The following SLC35F4 variants were observed in gnomAD, a reference collection of about 807,000 sequenced individuals.
The protein encoded by SLC35F4 is solute carrier family 35 member F4.
A neutral mutation model predicts 44.2 loss-of-function variants in SLC35F4; 24 were observed. The observed-to-expected ratio is 0.54, with a 90% CI of 0.39 to 0.76. SLC35F4 has a LOEUF of 0.76. SLC35F4 is among the 30% of genes least tolerant of loss of function. The pLI is 0.00. For missense variants in SLC35F4, 562 were observed against 586.1 expected, an observed-to-expected ratio of 0.96 and a Z score of 0.42; for synonymous variants, 238 against 223.6, an observed-to-expected ratio of 1.06 and a Z score of -0.57.
Position 57,564,118 on chromosome 14 carries a change from T to G in SLC35F4, c.*17A>C. 1 of 1,612,848 alleles carries G rather than the reference T, an allele frequency of 6.2e-7. No homozygotes were observed. The highest frequency in any genetic ancestry group is 8.5e-7 in the Non-Finnish European group (1 of 1,179,146). On this transcript the variant is annotated 3_prime_UTR_variant, in exon 8 of 8. Coordinates refer to ENST00000556826, the MANE Select transcript of SLC35F4 (RefSeq NM_001306087.2). ...TCACAGAATATACATACACGTGCAT[T>G]CAAAATATGTCCCTCTCTAAGCCAG...
intron 1 of SLC35F4, among the ~76,000 whole-genome samples, chr14:57,627,342 A>T (rs1314819736): frequency 2.0e-5 from 3 of 152,150 alleles, no homozygotes; most frequent in Admixed American, 1.3e-4. Flanking sequence ...AAGATTGAGG[A>T]AGAATGCTTA....
At chr14:57,797,830 G>A (rs1476376982) in intron 1 of SLC35F4, among the ~76,000 whole-genome samples, 4 of 152,082 alleles carry the variant, frequency 2.6e-5, no homozygotes, top group Non-Finnish European at 4.4e-5. Flanking sequence ...TATCTTGACA[G>A]TATGGGGAAG....
intron 1 of SLC35F4, among the ~76,000 whole-genome samples, chr14:57,871,183 G>T (rs1007947646): frequency 2.0e-5 from 3 of 152,160 alleles, no homozygotes; most frequent in Admixed American, 1.3e-4. Context: ...AGCTTGTCCA[G>T]AAGCAGCAGA....
chr14:57,572,358 C>T (rs574150576), intron 4 of SLC35F4, among the ~76,000 whole-genome samples: 3 of 152,186 alleles, frequency 2.0e-5, no homozygotes, highest in South Asian at 4.1e-4. Context: ...AATAGGAAGT[C>T]ACTTCTAAGC....
chr14:57,833,679 A>T (rs1170038843), intron 1 of SLC35F4, among the ~76,000 whole-genome samples: 1 of 152,222 alleles, frequency 6.6e-6, no homozygotes, highest in Admixed American at 6.5e-5. Flanking sequence ...ATATTTGAAT[A>T]CAGACTCCAG....
intron 1 of SLC35F4, among the ~76,000 whole-genome samples, chr14:57,850,134 T>C (rs999490579): frequency 6.6e-6 from 1 of 152,228 alleles, no homozygotes; most frequent in Non-Finnish European, 1.5e-5. Flanking sequence ...TGTATGTGTA[T>C]ATGAATGTCA....
At chr14:57,978,754 A>AC (rs747563636) in intron 1 of SLC35F4, among the ~76,000 whole-genome samples, 19 of 152,204 alleles carry the variant, frequency 1.2e-4, no homozygotes, top group Non-Finnish European at 2.1e-4. Flanking sequence ...CACCCTGCAA[A>AC]CCTAAGCTCT....
At chr14:57,786,514 T>G (rs1455046132) in intron 1 of SLC35F4, among the ~76,000 whole-genome samples, 1 of 152,120 alleles carries the variant, frequency 6.6e-6, no homozygotes, top group Non-Finnish European at 1.5e-5. Context: ...ACGGAGTCCA[T>G]TGCACTCCCT....
At chr14:57,944,107 G>A (rs1889965693) in intron 1 of SLC35F4, among the ~76,000 whole-genome samples, 1 of 152,154 alleles carries the variant, frequency 6.6e-6, no homozygotes, top group African/African-American at 2.4e-5. Context: ...ACATTCTTGT[G>A]ATTGCAGGAA....
chr14:57,838,568 G>T (rs986764031), intron 1 of SLC35F4, among the ~76,000 whole-genome samples: 6 of 152,046 alleles, frequency 3.9e-5, no homozygotes, highest in African/African-American at 1.4e-4. Context: ...TCCAATGTTT[G>T]TTTAAATACA....
intron 1 of SLC35F4, among the ~76,000 whole-genome samples, chr14:57,931,105 A>G (rs913288008): frequency 2.6e-5 from 4 of 152,210 alleles, no homozygotes; most frequent in African/African-American, 9.6e-5. Flanking sequence ...AGAGGAAGAC[A>G]ATGAAGTCTA....
intron 1 of SLC35F4, among the ~76,000 whole-genome samples, chr14:57,686,504 A>G (rs2075072618): frequency 6.6e-6 from 1 of 151,782 alleles, no homozygotes; most frequent in Non-Finnish European, 1.5e-5. Context: ...CCTCTCCTGC[A>G]CTCCTCCTGC....
chr14:57,826,236 A>C (rs565960366), intron 1 of SLC35F4, among the ~76,000 whole-genome samples: 2 of 152,096 alleles, frequency 1.3e-5, no homozygotes, highest in African/African-American at 4.8e-5. Flanking sequence ...TGATCTACAA[A>C]AAGCTCACAA....
At chr14:57,772,620 T>G (rs1223681067) in intron 1 of SLC35F4, among the ~76,000 whole-genome samples, 1 of 152,212 alleles carries the variant, frequency 6.6e-6, no homozygotes, top group African/African-American at 2.4e-5. Flanking sequence ...ACATGTAGTA[T>G]TTGATTTCGG....
intron 7 of SLC35F4, among the ~76,000 whole-genome samples, chr14:57,565,337 C>T (rs1464730331): frequency 6.6e-6 from 1 of 152,250 alleles, no homozygotes; most frequent in East Asian, 1.9e-4. Flanking sequence ...AGCTAAACCT[C>T]TCCTTAGATC....
rs191084323 is a variant in SLC35F4 at position 57,979,360 on chromosome 14, A to G, written n.152-2403T>C. Among the ~76,000 whole-genome samples the G allele has an allele frequency of 1.6e-3, 243 of 152,322 alleles. 2 individuals carry two copies. Among genetic ancestry groups the G allele is most frequent in the South Asian group, 3.7e-3 (18 of 4,826 alleles). ...AAGAAAGGAGGGAAGAGAAGCCAATATGAGTAATGCAAGAGGTGGACTATA... is the reference window on the plus strand; with the variant it reads ...AAGAAAGGAGGGAAGAGAAGCCAATGTGAGTAATGCAAGAGGTGGACTATA... On this transcript the variant is annotated intron_variant and non_coding_transcript_variant, in intron 1 of 1. Transcript: ENST00000554648.
chr14:57,619,274 C>A (rs1014841354), intron 1 of SLC35F4, among the ~76,000 whole-genome samples: 4 of 152,168 alleles, frequency 2.6e-5, no homozygotes, highest in African/African-American at 9.7e-5. Context: ...GGCTGACAGA[C>A]ACCTCATACA....
intron 1 of SLC35F4, among the ~76,000 whole-genome samples, chr14:57,880,013 A>G (rs1888487308): frequency 7.4e-6 from 1 of 135,348 alleles, no homozygotes; most frequent in African/African-American, 3.1e-5. Flanking sequence ...GAGAAGGGAA[A>G]GGAAAGGAAA....
chr14:57,724,218 G>A (rs1725155316), intron 1 of SLC35F4, among the ~76,000 whole-genome samples: 1 of 152,180 alleles, frequency 6.6e-6, no homozygotes, highest in Non-Finnish European at 1.5e-5. Context: ...TCTGCCACTT[G>A]GGCCATTTGA....
Sources: gnomAD v4.1 joint callset for allele counts (sites outside exome capture counted in the v4.1 genomes callset) on GRCh38, gnomAD v4.1.1 for gene constraint, MANE v1.5 for transcripts, NCBI Gene and HGNC (gene_info 2026-07-23, HGNC 2026-07-21) for gene names.